Variants in PCP4 observed in about 807,000 individuals in gnomAD.
PCP4 encodes the protein calmodulin regulator protein PCP4.
A neutral mutation model predicts 10.0 loss-of-function variants in PCP4; 8 were observed. That is an observed-to-expected ratio of 0.80 (90% CI 0.47 to 1.45). The LOEUF is 1.45. Ranked by LOEUF, PCP4 falls within the 40% of genes most tolerant of loss-of-function variation. The pLI is 0.00. For synonymous variants in PCP4, 21 were observed against 23.0 expected, an observed-to-expected ratio of 0.91 and a Z score of 0.24; for missense variants, 54 against 74.4, an observed-to-expected ratio of 0.73 and a Z score of 1.01.
rs541437634 is a variant in PCP4, at chr21:39,884,414, G to A, written c.10-14062G>A. ...GGCTGTTCTCAAACTCCCGACCTCAGGTGATCCGCCTGTCTCAGACTCCCA... is the reference window on the plus strand; with the variant it reads ...GGCTGTTCTCAAACTCCCGACCTCAAGTGATCCGCCTGTCTCAGACTCCCA... On this transcript the variant is annotated intron_variant, in intron 1 of 2. Coordinates refer to ENST00000328619, the MANE Select transcript of PCP4 (RefSeq NM_006198.3). Among the ~76,000 whole-genome samples the A allele has an allele frequency of 6.9e-4, 105 of 151,892 alleles. 1 individual carries two copies. Among genetic ancestry groups the A allele is most frequent in the African/African-American group, 2.4e-3 (98 of 41,470 alleles).
intron 2 of PCP4, among the ~76,000 whole-genome samples, chr21:39,915,353 G>A (rs1253695641): frequency 6.6e-6 from 1 of 152,132 alleles, no homozygotes; most frequent in Non-Finnish European, 1.5e-5. Flanking sequence ...GGAAGGAAAT[G>A]AGCCCATCCA....
intron 1 of PCP4, among the ~76,000 whole-genome samples, chr21:39,881,706 T>G (rs567214168): frequency 7.9e-5 from 12 of 152,318 alleles, no homozygotes; most frequent in Admixed American, 3.3e-4. Flanking sequence ...ACAATGTTGC[T>G]TTAAAATAAG....
intron 1 of PCP4, among the ~76,000 whole-genome samples, chr21:39,871,550 TC>T (rs2087320039): frequency 6.6e-6 from 1 of 152,226 alleles, no homozygotes; most frequent in African/African-American, 2.4e-5. Flanking sequence ...CAGCAAGGAC[TC>T]TGACAGATCA....
At chr21:39,925,989 C>A in intron 2 of PCP4, 1 of 455,796 alleles carries the variant, frequency 2.2e-6, no homozygotes, top group South Asian at 1.6e-5. Flanking sequence ...GGGCCACAGA[C>A]CATTTGTACT....
At chr21:39,922,284 G>A (rs1382306543) in intron 2 of PCP4, among the ~76,000 whole-genome samples, 1 of 152,166 alleles carries the variant, frequency 6.6e-6, no homozygotes, top group Non-Finnish European at 1.5e-5. Flanking sequence ...TTGAGTATAT[G>A]AGGGAGGATC....
At position 39,883,841 on chromosome 21, in the gene PCP4, C is replaced by A. The variant is rs141992646; in HGVS notation, c.10-14635C>A. Among the ~76,000 whole-genome samples, 249 of 152,224 alleles carry A rather than the reference C, an allele frequency of 1.6e-3. 4 individuals carry two copies. In the East Asian group the frequency reaches 0.038, roughly 23 times the overall value. On this transcript the variant is annotated intron_variant, in intron 1 of 2. Coordinates refer to ENST00000328619, the MANE Select transcript of PCP4 (RefSeq NM_006198.3). ...AATACAATGAAAAAAAAAGGAGAAACATCTCTTCTTAAGCCTGTTTTACCA... is the reference window on the plus strand; with the variant it reads ...AATACAATGAAAAAAAAAGGAGAAAAATCTCTTCTTAAGCCTGTTTTACCA...
At chr21:39,881,499 T>C (rs2087375437) in intron 1 of PCP4, among the ~76,000 whole-genome samples, 2 of 152,164 alleles carry the variant, frequency 1.3e-5, no homozygotes, top group African/African-American at 4.8e-5. Flanking sequence ...AAGCAAGAAC[T>C]GTTTTCATGG....
chr21:39,926,280 A>G, intron 2 of PCP4: 1 of 257,258 alleles, frequency 3.9e-6, no homozygotes, highest in South Asian at 4.3e-5. Flanking sequence ...TTAAGATATA[A>G]GTGCAAAATT....
At chr21:39,916,795 AG>A (rs1428406845) in intron 2 of PCP4, among the ~76,000 whole-genome samples, 2 of 152,242 alleles carry the variant, frequency 1.3e-5, no homozygotes, top group Admixed American at 6.5e-5. Context: ...TGTCCTTTGC[AG>A]GGACGTGGAT....
chr21:39,915,117 A>G (rs1356717647), intron 2 of PCP4, among the ~76,000 whole-genome samples: 1 of 152,114 alleles, frequency 6.6e-6, no homozygotes, highest in East Asian at 1.9e-4. Flanking sequence ...TGCAAAGGGA[A>G]GGGTATGGAA....
At chr21:39,922,231 AT>A (rs1453096857) in intron 2 of PCP4, among the ~76,000 whole-genome samples, 1 of 152,158 alleles carries the variant, frequency 6.6e-6, no homozygotes, top group Non-Finnish European at 1.5e-5. Flanking sequence ...ATGATTCTCT[AT>A]TTTATATTTG....
At chr21:39,890,570 T>C (rs2087425399) in intron 1 of PCP4, among the ~76,000 whole-genome samples, 1 of 151,914 alleles carries the variant, frequency 6.6e-6, no homozygotes, top group Admixed American at 6.6e-5. Context: ...GTTTTCACCA[T>C]GTTGGCCAGG....
At chr21:39,882,106 T>C (rs1210422045) in intron 1 of PCP4, among the ~76,000 whole-genome samples, 2 of 152,232 alleles carry the variant, frequency 1.3e-5, no homozygotes, top group African/African-American at 4.8e-5. Context: ...CCTTGTGACT[T>C]GGTGCAAAGA....
intron 1 of PCP4, among the ~76,000 whole-genome samples, chr21:39,881,945 A>G (rs1368072726): frequency 6.6e-6 from 1 of 152,194 alleles, no homozygotes; most frequent in Non-Finnish European, 1.5e-5. Flanking sequence ...ATGCTTGGGC[A>G]TAATCCTAAG....
intron 2 of PCP4, among the ~76,000 whole-genome samples, chr21:39,912,521 A>AAAACAGGCCCTGGTTAAATGGTCACATTT (rs2087545130): frequency 6.6e-6 from 1 of 151,972 alleles, no homozygotes; most frequent in Non-Finnish European, 1.5e-5. Context: ...GGTGCCACAT[A>AAAACAGGCCCTGGTTAAATGGTCACATTT]AAACAGGCCC....
chr21:39,928,781 T>G (rs1223189925), intron 2 of PCP4, among the ~76,000 whole-genome samples: 1 of 152,158 alleles, frequency 6.6e-6, no homozygotes, highest in African/African-American at 2.4e-5. Flanking sequence ...AGTTTCATTG[T>G]CCTGCTCAGG....
intron 2 of PCP4, among the ~76,000 whole-genome samples, chr21:39,913,149 A>G (rs544871159): frequency 6.6e-6 from 1 of 152,186 alleles, no homozygotes; most frequent in Non-Finnish European, 1.5e-5. Context: ...CTTCCTGATA[A>G]GTAGAAAAAG....
At chr21:39,867,860 C>T (rs2087301740) in intron 1 of PCP4, among the ~76,000 whole-genome samples, 1 of 152,114 alleles carries the variant, frequency 6.6e-6, no homozygotes, top group South Asian at 2.1e-4. Flanking sequence ...TGATACCTTT[C>T]AGAATGTGAG....
At chr21:39,927,327 A>ATCTATCTG (rs1568863796) in intron 2 of PCP4, among the ~76,000 whole-genome samples, 1 of 38,184 alleles carries the variant, frequency 2.6e-5, no homozygotes, top group African/African-American at 7.6e-5. Context: ...TCTATCATCT[A>ATCTATCTG]TCTATCTATC....
Sources: allele counts gnomAD v4.1 joint callset (sites outside exome capture counted in the v4.1 genomes callset), GRCh38; gene constraint gnomAD v4.1.1; transcripts MANE v1.5; gene names NCBI Gene and HGNC (gene_info 2026-07-23, HGNC 2026-07-21).